The following EZH2 variants were observed in gnomAD, a reference collection of about 807,000 sequenced individuals.
EZH2 encodes histone-lysine N-methyltransferase EZH2.
A neutral mutation model predicts 98.4 loss-of-function variants in EZH2; 18 were observed. The observed-to-expected ratio is 0.18, with a 90% CI of 0.13 to 0.27. The LOEUF is 0.27. EZH2 is among the 10% of genes least tolerant of loss of function. The probability of loss-of-function intolerance (pLI) is 1.00; values close to 1 mark genes in which losing one functional copy is unlikely to be tolerated. For synonymous variants in EZH2, 338 were observed against 312.3 expected, an observed-to-expected ratio of 1.08 and a Z score of -0.87; for missense variants, 470 against 935.1, an observed-to-expected ratio of 0.50 and a Z score of 6.49.
At chr7:148,849,532 CA>C (rs367861912) in intron 1 of EZH2, among the ~76,000 whole-genome samples, 22 of 152,142 alleles carry the variant, frequency 1.4e-4, no homozygotes, top group African/African-American at 5.1e-4. Flanking sequence ...AGAACTATTC[CA>C]AGTGAAAAGT....
intron 1 of EZH2, among the ~76,000 whole-genome samples, chr7:148,866,619 T>A (rs908030213): frequency 3.4e-5 from 5 of 147,056 alleles, no homozygotes; most frequent in African/African-American, 1.2e-4. Flanking sequence ...ATAATATATA[T>A]GCATATATGT....
intron 1 of EZH2, among the ~76,000 whole-genome samples, chr7:148,866,258 T>C (rs1170201090): frequency 6.6e-6 from 1 of 152,036 alleles, no homozygotes; most frequent in Non-Finnish European, 1.5e-5. Flanking sequence ...TCTGAAGGTG[T>C]CCCTCAAAAA....
intron 1 of EZH2, among the ~76,000 whole-genome samples, chr7:148,877,530 C>A (rs1354547788): frequency 6.6e-6 from 1 of 152,186 alleles, no homozygotes; most frequent in Non-Finnish European, 1.5e-5. Context: ...TTAATCCTCA[C>A]AACCACCTTA....
chr7:148,814,627 C>G (rs544015751), intron 14 of EZH2, among the ~76,000 whole-genome samples: 45 of 152,232 alleles, frequency 3.0e-4, no homozygotes, highest in African/African-American at 9.4e-4. Context: ...ACAATCTGTG[C>G]CAACTTTAAT....
chr7:148,842,110 C>T (rs746315921), intron 3 of EZH2, among the ~76,000 whole-genome samples: 1 of 152,102 alleles, frequency 6.6e-6, no homozygotes, highest in African/African-American at 2.4e-5. Context: ...AAACAAGATA[C>T]AAAACTCTTA....
intron 1 of EZH2, among the ~76,000 whole-genome samples, chr7:148,879,992 C>G (rs900580864): frequency 5.3e-5 from 8 of 152,156 alleles, no homozygotes; most frequent in Non-Finnish European, 4.4e-5. Flanking sequence ...ACTGGTAATA[C>G]CAGTTACTCA....
At chr7:148,860,888 G>C (rs1368964089) in intron 1 of EZH2, among the ~76,000 whole-genome samples, 1 of 151,910 alleles carries the variant, frequency 6.6e-6, no homozygotes, top group Non-Finnish European at 1.5e-5. Flanking sequence ...GCCCAGGCTG[G>C]TCTTGAATTC....
intron 3 of EZH2, among the ~76,000 whole-genome samples, chr7:148,838,069 T>C (rs1047196636): frequency 1.4e-4 from 20 of 146,856 alleles, no homozygotes; most frequent in Non-Finnish European, 2.6e-4. Flanking sequence ...ACTCCTTTTT[T>C]TTTTTTTTTT....
chr7:148,838,063 C>CTTTTT (rs35838307), intron 3 of EZH2, among the ~76,000 whole-genome samples: 10 of 100,514 alleles, frequency 9.9e-5, no homozygotes, highest in South Asian at 3.6e-4. Context: ...GTTTAGACTC[C>CTTTTT]TTTTTTTTTT....
At chr7:148,843,847 G>A (rs971488459) in intron 3 of EZH2, among the ~76,000 whole-genome samples, 5 of 151,882 alleles carry the variant, frequency 3.3e-5, no homozygotes, top group Non-Finnish European at 2.9e-5. Flanking sequence ...CGCCCGCCTC[G>A]GCCTCCCAAA....
intron 1 of EZH2, among the ~76,000 whole-genome samples, chr7:148,859,219 C>CA (rs564684920): frequency 1.1e-4 from 16 of 152,040 alleles, no homozygotes; most frequent in Non-Finnish European, 1.8e-4. Context: ...CAGTTAAAAA[C>CA]AAAGTGTCAG....
intron 1 of EZH2, among the ~76,000 whole-genome samples, chr7:148,859,391 G>A (rs963848001): frequency 4.0e-5 from 6 of 151,802 alleles, no homozygotes; most frequent in East Asian, 3.9e-4. Context: ...CTGTAGTCCC[G>A]GCTACTAAGG....
At chr7:148,814,297 G>T (rs1334641418) in intron 14 of EZH2, among the ~76,000 whole-genome samples, 160 bp from the exon 15 acceptor site, 1 of 152,042 alleles carries the variant, frequency 6.6e-6, no homozygotes, top group Non-Finnish European at 1.5e-5. Flanking sequence ...TATTAACAGC[G>T]AAGTTATAGC....
At chr7:148,825,510 G>C (rs1489561657) in intron 8 of EZH2, among the ~76,000 whole-genome samples, 1 of 152,052 alleles carries the variant, frequency 6.6e-6, no homozygotes, top group African/African-American at 2.4e-5. Flanking sequence ...CACATTATTA[G>C]CTGCAGCAAA....
intron 3 of EZH2, 141 bp from the exon 4 acceptor site, chr7:148,832,891 T>C (rs950137990): frequency 2.9e-5 from 14 of 476,264 alleles, no homozygotes; most frequent in African/African-American, 2.5e-4. Flanking sequence ...AAAGTGGTCA[T>C]ATAAACCAAA....
chr7:148,883,716 C>A (rs1354030663), intron 1 of EZH2, among the ~76,000 whole-genome samples: 1 of 151,828 alleles, frequency 6.6e-6, no homozygotes, highest in Non-Finnish European at 1.5e-5. Context: ...AGTGCGGACT[C>A]GGCGGCTGGG....
At position 148,837,572 on chromosome 7, in the gene EZH2, G is replaced by A. The variant is rs369509907; in HGVS notation, c.247-4822C>T. ...TAAGTTCAGGCTACTTTTATGCAAA[G>A]TAAGTACTGAAGAAAAACTGCAATG... On this transcript the variant is annotated intron_variant, in intron 3 of 19. Transcript: ENST00000320356. 5.4e-4 allele frequency among the ~76,000 whole-genome samples: 82 copies of A among 152,294 alleles called. 2 individuals are homozygous for A. The South Asian group carries it at 0.017, about 31-fold the overall frequency.
chr7:148,807,791 TAGTG>T (rs1801877506), intron 19 of EZH2, 85 bp from the exon 20 acceptor site: 6 of 663,994 alleles, frequency 9.0e-6, no homozygotes, highest in Non-Finnish European at 4.9e-6. Flanking sequence ...CTGCTGAAGA[TAGTG>T]GGTGCATTAA....
intron 6 of EZH2, among the ~76,000 whole-genome samples, chr7:148,828,363 G>T (rs1427355899): frequency 1.3e-5 from 2 of 151,984 alleles, no homozygotes; most frequent in Non-Finnish European, 2.9e-5. Flanking sequence ...TTAAGGCAAG[G>T]TCTCACTCTG....
Sources: allele counts gnomAD v4.1 joint callset (sites outside exome capture counted in the v4.1 genomes callset), GRCh38; gene constraint gnomAD v4.1.1; transcripts MANE v1.5; gene names NCBI Gene and HGNC (gene_info 2026-07-23, HGNC 2026-07-21).